TMEM17: variants seen among roughly 807,000 people sequenced by gnomAD.
TMEM17 encodes transmembrane protein 17.
In TMEM17, 15 loss-of-function variants were observed where a neutral mutation model predicts 19.1. That is an observed-to-expected ratio of 0.78 (90% confidence interval 0.52 to 1.21). The LOEUF (loss-of-function observed/expected upper bound fraction) is 1.21. TMEM17 is among the 50% of genes most tolerant of loss of function. The probability of loss-of-function intolerance (pLI) is 0.00; values close to 1 mark genes in which losing one functional copy is unlikely to be tolerated. For synonymous variants in TMEM17, 103 were observed against 86.9 expected (o/e 1.19, Z -1.03); for missense variants, 245 against 242.3 (o/e 1.01, Z -0.07).
chr2:62,473,552 C>T, the TMEM17 span, among the ~76,000 whole-genome samples: 1 of 152,328 alleles, frequency 6.6e-6, no homozygotes, highest in Middle Eastern at 3.4e-3. Context: ...CCTCCCCACT[C>T]CCTGCTTCAG....
downstream of TMEM17, among the ~76,000 whole-genome samples, chr2:62,496,793 CTATT>C (rs540996926): frequency 9.2e-4 from 140 of 152,264 alleles, no homozygotes; most frequent in African/African-American, 3.3e-3. Context: ...AGATAGAGCT[CTATT>C]TAAGTCTAAT....
the TMEM17 span, chr2:62,463,826 A>AT: frequency 6.6e-6 from 1 of 152,220 alleles, no homozygotes; most frequent in Non-Finnish European, 1.5e-5. Flanking sequence ...TCCTGTGCCT[A>AT]TAAAAACTCC....
chr2:62,497,440 C>G (rs1409745817), downstream of TMEM17, among the ~76,000 whole-genome samples: 2 of 152,222 alleles, frequency 1.3e-5, no homozygotes, highest in Non-Finnish European at 2.9e-5. Flanking sequence ...CTCATGTACC[C>G]TTCCCACTAG....
chr2:62,467,777 G>C, the TMEM17 span, among the ~76,000 whole-genome samples: 9 of 152,156 alleles, frequency 5.9e-5, no homozygotes, highest in Admixed American at 5.9e-4. Flanking sequence ...CAGAGACATG[G>C]AGGCCAAGTA....
chr2:62,484,443 A>G, the TMEM17 span, among the ~76,000 whole-genome samples: 1 of 152,350 alleles, frequency 6.6e-6, no homozygotes, highest in South Asian at 2.1e-4. Flanking sequence ...AGCCACTATC[A>G]GCCACAGGAG....
downstream of TMEM17, among the ~76,000 whole-genome samples, chr2:62,495,787 G>T (rs1679762719): frequency 6.6e-6 from 1 of 152,138 alleles, no homozygotes; most frequent in Admixed American, 6.5e-5. Context: ...ATCCCTTAAA[G>T]ACCTCTTTTT....
downstream of TMEM17, among the ~76,000 whole-genome samples, chr2:62,499,767 T>G (rs557971039): frequency 1.3e-5 from 2 of 152,322 alleles, no homozygotes; most frequent in South Asian, 4.1e-4. Context: ...AAATACATTA[T>G]GAAGGCCCAT....
the TMEM17 span, among the ~76,000 whole-genome samples, chr2:62,486,011 C>G: frequency 6.6e-6 from 1 of 152,144 alleles, no homozygotes; most frequent in Admixed American, 6.5e-5. Context: ...AGATGCTTTG[C>G]CAAATTTACC....
intron 1 of TMEM17, among the ~76,000 whole-genome samples, chr2:62,504,621 T>G (rs1419259878): frequency 2.0e-5 from 3 of 152,136 alleles, no homozygotes. Flanking sequence ...GCGTAAGACA[T>G]AAACTTACTA....
the TMEM17 span, among the ~76,000 whole-genome samples, chr2:62,468,651 C>G: frequency 3.9e-5 from 6 of 152,106 alleles, no homozygotes; most frequent in Admixed American, 1.3e-4. Flanking sequence ...CAGGGGAGAA[C>G]CAAAGAGTAA....
At chr2:62,490,666 T>C in the TMEM17 span, among the ~76,000 whole-genome samples, 1 of 152,238 alleles carries the variant, frequency 6.6e-6, no homozygotes. Context: ...CAGAGGGCTG[T>C]GAAGGAGTCA....
the TMEM17 span, among the ~76,000 whole-genome samples, chr2:62,493,458 G>A: frequency 6.6e-5 from 10 of 152,242 alleles, no homozygotes; most frequent in African/African-American, 1.7e-4. Flanking sequence ...ACAAGAAAGC[G>A]CACAGTGAGA....
the TMEM17 span, among the ~76,000 whole-genome samples, chr2:62,473,237 T>C: frequency 6.6e-6 from 1 of 152,342 alleles, no homozygotes; most frequent in East Asian, 1.9e-4. Flanking sequence ...GTACTATTAT[T>C]AACCCCTATT....
rs1679915059 is a variant in TMEM17, at chr2:62,501,101, T to C, written c.*108A>G. 1.6e-6 allele frequency: 2 copies of C among 1,255,366 alleles called. No individual in the cohort carries two copies. Among genetic ancestry groups the C allele is most frequent in the African/African-American group, 1.5e-5 (1 of 66,784 alleles). 77.8% of individuals were successfully genotyped at this position (1,255,366 alleles called of 1,614,324 possible). A position where few individuals can be genotyped will look rare whatever the true frequency, so the allele number is the denominator to read the frequency against. On this transcript the variant is annotated 3_prime_UTR_variant, in exon 4 of 4. Coordinates refer to ENST00000335390, the MANE Select transcript of TMEM17 (RefSeq NM_198276.3). ...ACCTTGGAATTTCAGAGTGAGAGCA[T>C]ATACAATTCAAAACACTTGCTTTGT...
At chr2:62,505,901 C>T (rs1573439655) in intron 1 of TMEM17, 129 bp downstream of exon 1, 1 of 947,280 alleles carries the variant, frequency 1.1e-6, no homozygotes, top group Non-Finnish European at 1.6e-6. Context: ...CCAAGGCGCT[C>T]TCCCGCACTG....
chr2:62,504,547 TCAG>T (rs550861341), intron 1 of TMEM17, among the ~76,000 whole-genome samples: 5 of 152,196 alleles, frequency 3.3e-5, no homozygotes, highest in Non-Finnish European at 7.3e-5. Flanking sequence ...TGTCCATATT[TCAG>T]CAGATCAAAC....
At chr2:62,501,923 A>T (rs992423414) in intron 3 of TMEM17, 10 of 168,686 alleles carry the variant, frequency 5.9e-5, no homozygotes, top group South Asian at 1.6e-4. Flanking sequence ...CAAAACCTAC[A>T]GTAAGACAGG....
Position 62,506,103 on chromosome 2 carries a change from C to T in TMEM17, c.27G>A (p.Gln9=), listed in dbSNP as rs368040293. The change falls in exon 1 of 4, where the codon CAG becomes CAA. Residue 9 remains glutamine (Q), a synonymous_variant. Transcript: ENST00000335390. ...CGGCCCGGCTGAAGTTTCCCAGCCG[C>T]TGGCGCACCGGATCCGGCAGCTCCA... is the stretch of plus-strand genomic sequence containing the variant. MELPDPVR[Q]RLGNFSRAVF... is the part of the protein sequence containing the mutation. The T allele has an allele frequency of 2.5e-6, 4 of 1,611,004 alleles. No individual in the cohort carries two copies. Among genetic ancestry groups the T allele is most frequent in the Non-Finnish European group, 3.4e-6 (4 of 1,178,896 alleles).
chr2:62,467,458 A>C, the TMEM17 span, among the ~76,000 whole-genome samples: 3 of 152,124 alleles, frequency 2.0e-5, no homozygotes, highest in Non-Finnish European at 4.4e-5. Flanking sequence ...CACTATAGAG[A>C]CTTCTGAAGT....
Sources: allele counts gnomAD v4.1 joint callset (sites outside exome capture counted in the v4.1 genomes callset), GRCh38; gene constraint gnomAD v4.1.1; transcripts MANE v1.5; gene names NCBI Gene and HGNC (gene_info 2026-07-23, HGNC 2026-07-21).